The following PTPRN2 variants were observed in gnomAD, a reference collection of about 807,000 sequenced individuals.
PTPRN2 encodes the protein protein tyrosine phosphatase receptor type N2.
Under a neutral mutation model 118.8 loss-of-function variants are expected in PTPRN2, and 74 were observed. The ratio of observed to expected loss-of-function variants is 0.62; its 90% CI spans 0.52 to 0.76. The LOEUF is 0.76. Among genes scored for constraint, PTPRN2 ranks in the 30% least tolerant of loss-of-function variants. PTPRN2 has a pLI of 0.00. For synonymous variants in PTPRN2, 641 were observed against 608.0 expected (o/e 1.05, Z -0.80); for missense variants, 1,481 against 1,394.4 (o/e 1.06, Z -0.99).
intron 4 of PTPRN2, among the ~76,000 whole-genome samples, chr7:158,200,108 T>C (rs1826517886): frequency 6.6e-6 from 1 of 152,086 alleles, no homozygotes; most frequent in Admixed American, 6.5e-5. Flanking sequence ...GAGGAATCAG[T>C]CCCCTTGCTG....
chr7:157,694,441 G>A (rs1447630083), intron 12 of PTPRN2, among the ~76,000 whole-genome samples: 5 of 152,154 alleles, frequency 3.3e-5, no homozygotes, highest in Admixed American at 1.3e-4. Flanking sequence ...CTAAGGTGCG[G>A]CCTGACCTCA....
At chr7:158,582,311 G>A (rs1828667541) in intron 1 of PTPRN2, among the ~76,000 whole-genome samples, 1 of 152,230 alleles carries the variant, frequency 6.6e-6, no homozygotes, top group South Asian at 2.1e-4. Context: ...TGTCAGGAAA[G>A]ATAAGAGAGG....
chr7:158,265,293 C>A (rs974124056), intron 3 of PTPRN2, among the ~76,000 whole-genome samples: 7 of 152,184 alleles, frequency 4.6e-5, no homozygotes, highest in African/African-American at 1.7e-4. Flanking sequence ...CTGACACAGA[C>A]ACGAGCACAT....
rs1585522291 is a variant in PTPRN2, at chr7:157,808,589, C to T, written c.1788+90084G>A. 6.6e-6 allele frequency among the ~76,000 whole-genome samples: 1 copy of T among 152,152 alleles called. No homozygotes were observed. Among genetic ancestry groups the T allele is most frequent in the East Asian group, 1.9e-4 (1 of 5,198 alleles). On this transcript the variant is annotated intron_variant, in intron 12 of 22. Coordinates refer to ENST00000389418, the MANE Select transcript of PTPRN2 (RefSeq NM_002847.5). The surrounding 1 kb of genome is among the most constrained non-coding windows in gnomAD (Gnocchi z 5.0). ...GACCAGCCAGTTGCAGGAAAACAAG[C>T]TCAGGGCACCCACTGATTCTACATG...
chr7:158,523,626 T>G (rs1170173592), intron 1 of PTPRN2, among the ~76,000 whole-genome samples: 3 of 109,082 alleles, frequency 2.8e-5, no homozygotes, highest in African/African-American at 1.2e-4. Flanking sequence ...TGGAGTGGAG[T>G]CATCTGCCCT....
rs577549290 is a variant in PTPRN2 at position 157,881,436 on chromosome 7, C to A, written c.1788+17237G>T. Among the ~76,000 whole-genome samples, 142 of 152,188 alleles carry A rather than the reference C, an allele frequency of 9.3e-4. No homozygotes were observed. The South Asian group carries it at 0.01, about 11-fold the overall frequency. On this transcript the variant is annotated intron_variant, in intron 12 of 22. Coordinates refer to ENST00000389418, the MANE Select transcript of PTPRN2 (RefSeq NM_002847.5). This position sits in a 1 kb window ranked among gnomAD's most constrained non-coding sequence, Gnocchi z 4.7. ...CCCAGGAGAGAGGCCTTGGGAGAGA[C>A]CAGCCCTGCCCACACCTTGATCTTG... is the stretch of plus-strand genomic sequence containing the variant.
At chr7:157,897,482 C>G (rs1479355801) in intron 12 of PTPRN2, among the ~76,000 whole-genome samples, 1 of 152,228 alleles carries the variant, frequency 6.6e-6, no homozygotes, top group South Asian at 2.1e-4. Context: ...TGCCCAACAC[C>G]TCATTCATCC....
intron 1 of PTPRN2, among the ~76,000 whole-genome samples, chr7:158,548,615 C>T (rs1462778261): frequency 6.6e-6 from 1 of 152,244 alleles, no homozygotes; most frequent in Non-Finnish European, 1.5e-5. Context: ...ATTTTGCACT[C>T]TTCTTTGTAA....
rs1800148384 is a variant in PTPRN2, at chr7:157,578,009, T to A, written c.2616+12A>T. On this transcript the variant is annotated intron_variant, in intron 18 of 22. Transcript: ENST00000389418. ...TGGTGGGTCCTGCCCTGGGTGGCTC[T>A]GGTCGGAGTACCTCATAGATGTGGT... 6.3e-7 allele frequency: 1 copy of A among 1,599,252 alleles called. No homozygotes were observed. The highest frequency in any genetic ancestry group is 1.1e-5 in the South Asian group (1 of 90,158).
At chr7:158,489,166 C>T (rs191210033) in intron 2 of PTPRN2, among the ~76,000 whole-genome samples, 2 of 152,382 alleles carry the variant, frequency 1.3e-5, no homozygotes, top group African/African-American at 2.4e-5. Context: ...AAAAACCTGG[C>T]CGGGCGCGGT....
chr7:158,500,826 G>T (rs907409017), intron 1 of PTPRN2, among the ~76,000 whole-genome samples: 1 of 152,270 alleles, frequency 6.6e-6, no homozygotes, highest in Non-Finnish European at 1.5e-5. Flanking sequence ...GCGGGGCCCA[G>T]TCCCCGAGTT....
intron 11 of PTPRN2, among the ~76,000 whole-genome samples, chr7:157,915,567 A>C (rs1798351579): frequency 6.6e-6 from 1 of 151,644 alleles, no homozygotes; most frequent in African/African-American, 2.4e-5. Context: ...ATTACCCTGC[A>C]GTCATGGTTC....
At chr7:157,743,648 CT>C (rs2150966509) in intron 12 of PTPRN2, among the ~76,000 whole-genome samples, 1 of 150,896 alleles carries the variant, frequency 6.6e-6, no homozygotes, top group East Asian at 2.0e-4. Context: ...TCCGGGTTGG[CT>C]GAGTTAGGTT....
At chr7:158,209,639 T>C (rs966171099) in intron 3 of PTPRN2, among the ~76,000 whole-genome samples, 2 of 152,190 alleles carry the variant, frequency 1.3e-5, no homozygotes, top group Non-Finnish European at 2.9e-5. Context: ...GGACAGATCA[T>C]TGAGACAGAA....
chr7:157,665,505 G>C (rs959126308), intron 13 of PTPRN2, among the ~76,000 whole-genome samples: 1 of 152,246 alleles, frequency 6.6e-6, no homozygotes, highest in Non-Finnish European at 1.5e-5. Flanking sequence ...CCCACTGAGG[G>C]CTGGGCATGG....
At chr7:158,149,304 C>T (rs1011743144) in intron 6 of PTPRN2, among the ~76,000 whole-genome samples, 1 of 152,162 alleles carries the variant, frequency 6.6e-6, no homozygotes, top group African/African-American at 2.4e-5. Flanking sequence ...GCAATGTCAT[C>T]AATGTGTAAA....
At chr7:157,882,808 C>T (rs1018246798) in intron 12 of PTPRN2, among the ~76,000 whole-genome samples, 3 of 148,750 alleles carry the variant, frequency 2.0e-5, no homozygotes, top group Non-Finnish European at 3.0e-5. Flanking sequence ...GAGACCAGAA[C>T]ACACCACCCC....
chr7:158,140,912 T>G (rs1429512368), intron 6 of PTPRN2, among the ~76,000 whole-genome samples: 1 of 152,202 alleles, frequency 6.6e-6, no homozygotes, highest in Non-Finnish European at 1.5e-5. Context: ...AGTGTTGAAA[T>G]CTCTGTCCTC....
At chr7:157,753,748 G>A (rs536604466) in intron 12 of PTPRN2, among the ~76,000 whole-genome samples, 2 of 152,100 alleles carry the variant, frequency 1.3e-5, no homozygotes, top group South Asian at 2.1e-4. Flanking sequence ...CTGCCCTAAC[G>A]CTTCCCAGAT....
Sources: gnomAD v4.1 joint callset for allele counts (sites outside exome capture counted in the v4.1 genomes callset) on GRCh38, gnomAD v4.1.1 for gene constraint, Gnocchi (gnomAD v3.1) non-coding constraint, MANE v1.5 for transcripts, NCBI Gene and HGNC (gene_info 2026-07-23, HGNC 2026-07-21) for gene names.